MTERF4: variants seen among roughly 807,000 people sequenced by gnomAD.
The protein encoded by MTERF4 is transcription termination factor 4, mitochondrial.
In MTERF4, 17 loss-of-function variants were observed where a neutral mutation model predicts 22.5. That is an observed-to-expected ratio of 0.75 (90% CI 0.52 to 1.13). The LOEUF is 1.13. Among genes scored for constraint, MTERF4 ranks in the 50% most tolerant of loss-of-function variants. The pLI is 0.00. For synonymous variants in MTERF4, 165 were observed against 175.3 expected (o/e 0.94, Z 0.47); for missense variants, 420 against 466.8 (o/e 0.90, Z 0.92).
downstream of MTERF4, chr2:241,070,103 T>A: frequency 1.9e-6 from 3 of 1,612,934 alleles, no homozygotes; most frequent in Admixed American, 5.0e-5. Context: ...GTGCGCGACC[T>A]GCTGCCGGGA....
chr2:241,091,294 G>A (rs1238584885), downstream of MTERF4, among the ~76,000 whole-genome samples: 4 of 152,202 alleles, frequency 2.6e-5, no homozygotes, highest in African/African-American at 9.6e-5. This position sits in a 1 kb window ranked among gnomAD's most constrained non-coding sequence, Gnocchi z 4.1. Context: ...AAAAGACCCA[G>A]AGTCGTTACC....
At position 241,097,399 on chromosome 2, in the gene MTERF4, G is replaced by A. The variant is rs1191653856; in HGVS notation, c.549C>T (p.Cys183=). The A allele has an allele frequency of 6.2e-7, 1 of 1,614,090 alleles. No homozygotes were observed. The highest frequency in any genetic ancestry group is 1.1e-5 in the South Asian group (1 of 91,068). ...EGKLKRVLYC[C]PEIFTMRQQD... The stretch of plus-strand genomic sequence containing the variant: ...GCTGGCGCATGGTGAAAATTTCAGG[G>A]CAACAGTAAAGCACCCTCTTTAATT... Residue 183 remains cysteine (C), a synonymous_variant, in exon 3 of 4, where the codon TGC becomes TGT. Transcript: ENST00000391980.
At chr2:241,098,604 A>C (rs760761064) in intron 2 of MTERF4, among the ~76,000 whole-genome samples, 2 of 152,256 alleles carry the variant, frequency 1.3e-5, no homozygotes, top group Non-Finnish European at 2.9e-5. Context: ...CGAGTATCCC[A>C]GGAACCTGGC....
chr2:241,090,284 G>T, downstream of MTERF4: 1 of 1,546,424 alleles, frequency 6.5e-7, no homozygotes, highest in Non-Finnish European at 8.7e-7. Flanking sequence ...CTACACAGGG[G>T]CAGGATCATC....
chr2:241,065,743 C>A, the MTERF4 span: 2 of 714,412 alleles, frequency 2.8e-6, no homozygotes, highest in Non-Finnish European at 4.6e-6. Context: ...GGGTTGGAGG[C>A]ACCGCCCTGC....
chr2:241,048,728 A>T, the MTERF4 span: 3 of 1,612,864 alleles, frequency 1.9e-6, no homozygotes, highest in Admixed American at 5.0e-5. Flanking sequence ...ACCCTCTGCC[A>T]GTGCCCCCTG....
chr2:241,083,367 C>T (rs2063423179), downstream of MTERF4, among the ~76,000 whole-genome samples: 2 of 139,522 alleles, frequency 1.4e-5, no homozygotes, highest in Admixed American at 7.0e-5. Context: ...CACAGAAGGA[C>T]TCTGGTGTTT....
downstream of MTERF4, among the ~76,000 whole-genome samples, chr2:241,068,329 C>CTGTGATT: frequency 6.6e-6 from 1 of 151,268 alleles, no homozygotes; most frequent in African/African-American, 2.5e-5. This position sits in a 1 kb window ranked among gnomAD's most constrained non-coding sequence, Gnocchi z 5.3. Flanking sequence ...CAGTGGACCC[C>CTGTGATT]TCAGAGAGCA....
chr2:241,072,687 AGGAGAG>A (rs1461362677), exon 5 of MTERF4: 6 of 201,926 alleles, frequency 3.0e-5, no homozygotes, highest in African/African-American at 1.4e-4. Context: ...AAGGTGTCTG[AGGAGAG>A]GGCAGGCAGC....
At chr2:241,052,396 A>T in the MTERF4 span, 1,783 of 1,595,232 alleles carry the variant, frequency 1.1e-3, 2 homozygotes, top group Non-Finnish European at 1.3e-3. Context: ...GAATGGGGGC[A>T]CCTGCGAGGA....
chr2:241,072,326 C>T (rs2062772023), exon 5 of MTERF4: 1 of 416,934 alleles, frequency 2.4e-6, no homozygotes, highest in African/African-American at 2.0e-5. Context: ...GGCAGCAAGG[C>T]TGATGGGCCC....
At chr2:241,082,199 C>T, downstream of MTERF4, 2 of 1,228,128 alleles carry the variant, frequency 1.6e-6, no homozygotes, top group African/African-American at 1.5e-5. Context: ...GGGCCCTCTC[C>T]CTTGGGCAAG....
the MTERF4 span, chr2:241,052,355 C>T: frequency 1.3e-6 from 2 of 1,570,142 alleles, no homozygotes; most frequent in Admixed American, 3.5e-5. Flanking sequence ...ATTCTGGCAG[C>T]CCCCTCCCCC....
downstream of MTERF4, among the ~76,000 whole-genome samples, chr2:241,084,084 T>C (rs1017032034): frequency 1.3e-5 from 2 of 151,834 alleles, no homozygotes; most frequent in African/African-American, 2.4e-5. Flanking sequence ...CTTAACACAA[T>C]GTACCCTTAA....
At chr2:241,056,872 C>T in the MTERF4 span, among the ~76,000 whole-genome samples, 1 of 151,998 alleles carries the variant, frequency 6.6e-6, no homozygotes, top group Non-Finnish European at 1.5e-5. Flanking sequence ...TGAGCCACTG[C>T]GCCGGGCCAA....
the MTERF4 span, chr2:241,062,755 G>C: frequency 6.9e-7 from 1 of 1,441,462 alleles, no homozygotes; most frequent in South Asian, 1.2e-5. Flanking sequence ...CTTAATCGTG[G>C]CCACATTGCT....
chr2:241,072,226 C>A (rs1385711599), exon 5 of MTERF4: 1 of 516,512 alleles, frequency 1.9e-6, no homozygotes, highest in Non-Finnish European at 3.7e-6. Flanking sequence ...TTTTAGTAAA[C>A]CATGGGCAGG....
chr2:241,088,185 G>T (rs889984561), downstream of MTERF4: 3 of 593,978 alleles, frequency 5.1e-6, no homozygotes, highest in Admixed American at 3.0e-5. Flanking sequence ...CAAGCCAGGC[G>T]GGCGCACACA....
At chr2:241,059,197 G>C in the MTERF4 span, among the ~76,000 whole-genome samples, 1 of 152,066 alleles carries the variant, frequency 6.6e-6, no homozygotes, top group South Asian at 2.1e-4. Context: ...ACTGACACAA[G>C]AATAATAGAA....
Sources: allele counts gnomAD v4.1 joint callset (sites outside exome capture counted in the v4.1 genomes callset), GRCh38; gene constraint gnomAD v4.1.1; non-coding constraint Gnocchi (gnomAD v3.1); transcripts MANE v1.5; gene names NCBI Gene and HGNC (gene_info 2026-07-23, HGNC 2026-07-21).